KAZN: variants seen among roughly 807,000 people sequenced by gnomAD.
KAZN encodes kazrin, periplakin interacting protein, also known as kazrin.
Under a neutral mutation model 87.4 loss-of-function variants are expected in KAZN, and 40 were observed. The observed-to-expected ratio is 0.46, with a 90% CI of 0.36 to 0.60. KAZN has a LOEUF of 0.60. KAZN is among the 20% of genes least tolerant of loss of function. The probability of loss-of-function intolerance (pLI) is 0.00; values close to 1 mark genes in which losing one functional copy is unlikely to be tolerated. For missense variants in KAZN, 898 were observed against 1,073.9 expected (o/e 0.84, Z 2.29); for synonymous variants, 466 against 458.3 (o/e 1.02, Z -0.22).
At chr1:14,197,979 T>C (rs1646563070) in intron 2 of KAZN, among the ~76,000 whole-genome samples, 1 of 151,630 alleles carries the variant, frequency 6.6e-6, no homozygotes, top group Non-Finnish European at 1.5e-5. Context: ...TGTCCTCAGA[T>C]TGAACAGGAC....
chr1:14,702,179 T>C (rs1196654967), intron 1 of KAZN, among the ~76,000 whole-genome samples: 1 of 152,174 alleles, frequency 6.6e-6, no homozygotes, highest in East Asian at 1.9e-4. Context: ...TCATTTCTCT[T>C]TGGGTCTTAA....
chr1:14,667,738 G>A (rs1192593505), intron 1 of KAZN, among the ~76,000 whole-genome samples: 3 of 150,960 alleles, frequency 2.0e-5, no homozygotes, highest in South Asian at 2.1e-4. Context: ...AAAACACAGT[G>A]TACTGAAGTT....
chr1:14,201,544 A>G (rs1646639802), intron 2 of KAZN, among the ~76,000 whole-genome samples: 1 of 152,186 alleles, frequency 6.6e-6, no homozygotes, highest in East Asian at 1.9e-4. Flanking sequence ...CTGCTCCTGA[A>G]AGGGACCTTT....
intron 2 of KAZN, among the ~76,000 whole-genome samples, chr1:14,348,601 G>A (rs6429651): frequency 0.36 from 54,902 of 152,040 alleles, 10,545 homozygotes; most frequent in African/African-American, 0.47. Context: ...AGCTTTATAC[G>A]ACTCTGAAAT....
At chr1:14,528,748 CAAAA>C (rs36033087) in intron 2 of KAZN, among the ~76,000 whole-genome samples, 1 of 66,950 alleles carries the variant, frequency 1.5e-5, no homozygotes, top group Non-Finnish European at 2.9e-5. Flanking sequence ...GACCCTGTCT[CAAAA>C]AAAAAAAAAA....
intron 4 of KAZN, among the ~76,000 whole-genome samples, chr1:15,050,952 A>G (rs1233632093): frequency 6.6e-6 from 1 of 152,178 alleles, no homozygotes; most frequent in African/African-American, 2.4e-5. Flanking sequence ...GAGATCTGTG[A>G]AAGAGGGTCC....
chr1:14,549,738 C>A (rs1673391058), intron 2 of KAZN, among the ~76,000 whole-genome samples: 1 of 141,964 alleles, frequency 7.0e-6, no homozygotes, highest in Admixed American at 7.2e-5. Flanking sequence ...TGGCTTTGGG[C>A]AGTGGCCTCA....
intron 2 of KAZN, among the ~76,000 whole-genome samples, chr1:14,569,408 C>T (rs573511074): frequency 2.1e-5 from 3 of 146,208 alleles, no homozygotes; most frequent in East Asian, 4.2e-4. Context: ...CTGCAATCTC[C>T]GCCTCCCAGG....
chr1:13,967,019 A>G (rs570237258), intron 1 of KAZN, among the ~76,000 whole-genome samples: 4 of 152,184 alleles, frequency 2.6e-5, no homozygotes, highest in African/African-American at 9.6e-5. Context: ...CCCTCAGCCC[A>G]GCTAGACTTT....
chr1:15,070,071 A>C (rs1226917021), intron 8 of KAZN, among the ~76,000 whole-genome samples: 3 of 152,284 alleles, frequency 2.0e-5, no homozygotes, highest in Non-Finnish European at 4.4e-5. Flanking sequence ...GCTGGGAGAC[A>C]ATAGAAGTGG....
chr1:14,132,178 G>A (rs1204098103), intron 1 of KAZN, among the ~76,000 whole-genome samples: 1 of 152,124 alleles, frequency 6.6e-6, no homozygotes, highest in Non-Finnish European at 1.5e-5. Context: ...AAGATGTGAT[G>A]GCTCATTGAC....
chr1:14,709,805 T>G (rs980691771), intron 1 of KAZN, among the ~76,000 whole-genome samples: 1 of 152,190 alleles, frequency 6.6e-6, no homozygotes, highest in African/African-American at 2.4e-5. Context: ...CCTGTGTGAG[T>G]GTCACCAGGT....
intron 2 of KAZN, among the ~76,000 whole-genome samples, chr1:14,335,113 C>CCA (rs1553159279): frequency 6.7e-6 from 1 of 149,876 alleles, no homozygotes; most frequent in African/African-American, 2.4e-5. Context: ...GGTGCCCCCC[C>CCA]CCCACCACCC....
chr1:14,032,118 T>C (rs1641354634), intron 1 of KAZN, among the ~76,000 whole-genome samples: 1 of 152,098 alleles, frequency 6.6e-6, no homozygotes, highest in African/African-American at 2.4e-5. Flanking sequence ...CAACTTCCCA[T>C]CCCCTGGCTA....
chr1:14,187,510 A>G (rs986250421), intron 2 of KAZN, among the ~76,000 whole-genome samples: 2 of 152,152 alleles, frequency 1.3e-5, no homozygotes, highest in African/African-American at 4.8e-5. Context: ...TTGGCTTCCA[A>G]AATAATACCC....
chr1:14,085,958 A>G (rs983133429), intron 1 of KAZN, among the ~76,000 whole-genome samples: 5 of 152,110 alleles, frequency 3.3e-5, no homozygotes, highest in Admixed American at 1.3e-4. Context: ...GTGATACCCC[A>G]TAGTGGTTTT....
chr1:14,581,474 G>A (rs2148563297), intron 2 of KAZN, among the ~76,000 whole-genome samples: 1 of 152,258 alleles, frequency 6.6e-6, no homozygotes, highest in South Asian at 2.1e-4. Flanking sequence ...TATGGCAACA[G>A]CTGCCTACAT....
intron 1 of KAZN, among the ~76,000 whole-genome samples, chr1:14,706,513 G>T (rs1177581954): frequency 6.6e-6 from 1 of 152,050 alleles, no homozygotes; most frequent in Non-Finnish European, 1.5e-5. Context: ...ATAAAGATTT[G>T]AGATGATGGA....
chr1:14,834,343 A>ACTT (rs1211604909), intron 1 of KAZN, among the ~76,000 whole-genome samples: 18 of 112,918 alleles, frequency 1.6e-4, no homozygotes, highest in African/African-American at 3.5e-4. Context: ...GCCCCAAGTC[A>ACTT]CCAAGTCACT....
Sources: gnomAD v4.1 joint callset for allele counts (sites outside exome capture counted in the v4.1 genomes callset) on GRCh38, gnomAD v4.1.1 for gene constraint, MANE v1.5 for transcripts, NCBI Gene and HGNC (gene_info 2026-07-23, HGNC 2026-07-21) for gene names.